NPM1: variants seen among roughly 807,000 people sequenced by gnomAD.
The protein encoded by NPM1 is nucleophosmin 1, also known as nucleophosmin.
NPM1 carries 1 observed loss-of-function variant against 44.1 expected under a neutral mutation model. That is an observed-to-expected ratio of 0.02 (90% CI 0.01 to 0.11). The LOEUF is 0.11. Ranked by LOEUF, NPM1 falls within the 10% of genes least tolerant of loss-of-function variation. NPM1 has a pLI of 1.00. For synonymous variants in NPM1, 126 were observed against 111.8 expected, an observed-to-expected ratio of 1.13 and a Z score of -0.80; for missense variants, 197 against 347.8, an observed-to-expected ratio of 0.57 and a Z score of 3.45.
chr5:171,409,314 C>A (rs989150195), intron 10 of NPM1, among the ~76,000 whole-genome samples: 1 of 152,148 alleles, frequency 6.6e-6, no homozygotes, highest in Non-Finnish European at 1.5e-5. Context: ...ATGATAAGAT[C>A]TCTGGCTGGG....
chr5:171,400,106 A>G (rs1439634913), intron 6 of NPM1, 47 bp from the exon 7 acceptor site: 2 of 1,054,074 alleles, frequency 1.9e-6, no homozygotes, highest in South Asian at 1.3e-5. Flanking sequence ...TCTTGTGTCT[A>G]CTCCCAAATT....
At chr5:171,391,454 T>C (rs1380300651) in intron 3 of NPM1, 30 bp downstream of exon 3, 2 of 1,603,374 alleles carry the variant, frequency 1.2e-6, no homozygotes, top group East Asian at 2.2e-5. Context: ...TTGGATGTTG[T>C]GTCAAGGTTT....
chr5:171,403,261 G>A (rs1235740811), intron 8 of NPM1, among the ~76,000 whole-genome samples: 6 of 88,474 alleles, frequency 6.8e-5, no homozygotes, highest in African/African-American at 1.7e-4. Context: ...ATCTTGCACC[G>A]CCCTTAATCC....
chr5:171,393,619 A>G (rs955359810), intron 6 of NPM1, among the ~76,000 whole-genome samples: 2 of 137,318 alleles, frequency 1.5e-5, no homozygotes, highest in Non-Finnish European at 1.7e-5. Context: ...CCAGTAATGC[A>G]TTGAATACTT....
At chr5:171,408,557 G>A (rs1771679444) in intron 10 of NPM1, among the ~76,000 whole-genome samples, 1 of 152,024 alleles carries the variant, frequency 6.6e-6, no homozygotes, top group Non-Finnish European at 1.5e-5. Context: ...TAGTTTTCGG[G>A]TTCGTAAAAC....
chr5:171,407,999 A>G (rs1771657419), intron 10 of NPM1, among the ~76,000 whole-genome samples: 1 of 152,124 alleles, frequency 6.6e-6, no homozygotes, highest in Non-Finnish European at 1.5e-5. Flanking sequence ...CAGATTTCCT[A>G]TAGTTGGTAA....
chr5:171,398,118 C>T (rs1364305920), intron 6 of NPM1, among the ~76,000 whole-genome samples: 4 of 151,744 alleles, frequency 2.6e-5, no homozygotes, highest in Non-Finnish European at 5.9e-5. Context: ...GCAAACAAGT[C>T]CCTTATCAGA....
At chr5:171,388,834 C>G (rs1339054386) in intron 1 of NPM1, among the ~76,000 whole-genome samples, 9 of 152,212 alleles carry the variant, frequency 5.9e-5, no homozygotes, top group African/African-American at 2.2e-4. Flanking sequence ...GATGAGGATA[C>G]TGGTGCCCAG....
intron 7 of NPM1, 172 bp from the exon 8 acceptor site, chr5:171,400,667 C>G: frequency 1.9e-6 from 1 of 521,706 alleles, no homozygotes; most frequent in Non-Finnish European, 3.5e-6. Context: ...AGGCTGGTCT[C>G]GAACTCCTGA....
rs77737224 is a variant in NPM1, at chr5:171,407,453, T to A, written c.772-247T>A. On this transcript the variant is annotated intron_variant, in intron 9 of 10. Transcript: ENST00000296930. Reference sequence around the variant, plus strand: ...CGAATCTCAAGTGTAGCTTATATTTTATGTTCCTAGAGAGGTTGTCAGGGA... The same window carrying A: ...CGAATCTCAAGTGTAGCTTATATTTAATGTTCCTAGAGAGGTTGTCAGGGA... 4.9e-3 allele frequency: 2,389 copies of A among 485,358 alleles called. 77 individuals are homozygous for A. The East Asian group carries it at 0.068, about 14-fold the overall frequency. The allele number at this position is 485,358 out of a possible 1,614,324, so 30.1% of individuals were successfully genotyped here.
intron 6 of NPM1, among the ~76,000 whole-genome samples, chr5:171,398,999 C>T (rs1159171774): frequency 6.6e-6 from 1 of 151,896 alleles, no homozygotes; most frequent in African/African-American, 2.4e-5. Context: ...TACAGGCGCC[C>T]GCCACCATGC....
chr5:171,391,871 C>T, intron 4 of NPM1, 72 bp downstream of exon 4: 1 of 862,688 alleles, frequency 1.2e-6, no homozygotes, highest in South Asian at 1.4e-5. Context: ...CCAGTTTGGA[C>T]TTAAAGCATG....
intron 8 of NPM1, among the ~76,000 whole-genome samples, chr5:171,403,822 G>GC (rs1304989751): frequency 1.6e-5 from 1 of 62,498 alleles, no homozygotes; most frequent in Non-Finnish European, 3.3e-5. Context: ...GGGCAGAGGC[G>GC]CCCCTCACCT....
At chr5:171,405,104 A>G (rs1363520681) in intron 8 of NPM1, among the ~76,000 whole-genome samples, 198 bp from the exon 9 acceptor site, 1 of 152,206 alleles carries the variant, frequency 6.6e-6, no homozygotes, top group Admixed American at 6.5e-5. Flanking sequence ...TGCCTAGCTA[A>G]TCATCTTATT....
intron 2 of NPM1, among the ~76,000 whole-genome samples, chr5:171,390,742 T>C (rs781213817): frequency 1.3e-5 from 2 of 151,690 alleles, no homozygotes; most frequent in Non-Finnish European, 2.9e-5. Flanking sequence ...TTTTTTTCTT[T>C]GGAGGCAGTC....
chr5:171,403,629 C>CG (rs1771362663), intron 8 of NPM1, among the ~76,000 whole-genome samples: 1 of 102,410 alleles, frequency 9.8e-6, no homozygotes, highest in Non-Finnish European at 2.2e-5. Context: ...GCTGGCCGGG[C>CG]AGGGGGGCTG....
chr5:171,392,122 T>C (rs1770607650), intron 4 of NPM1, among the ~76,000 whole-genome samples: 1 of 152,102 alleles, frequency 6.6e-6, no homozygotes, highest in South Asian at 2.1e-4. Context: ...ATAGTTATAG[T>C]AGAGAAGGGG....
rs369290137 is a variant in NPM1 at position 171,402,299 on chromosome 5, A to G, written c.669+1374A>G. Among the ~76,000 whole-genome samples the G allele has an allele frequency of 2.8e-4, 43 of 151,734 alleles. No individual in the cohort carries two copies. In the East Asian group the frequency reaches 7.0e-3, roughly 25 times the overall value. ...TAGAGAAATGCAAATCGAAACCACA[A>G]TGAGATACCATCTCACACCAGTCAG... On this transcript the variant is annotated intron_variant, in intron 8 of 10. Coordinates refer to ENST00000296930, the MANE Select transcript of NPM1 (RefSeq NM_002520.7).
intron 8 of NPM1, among the ~76,000 whole-genome samples, chr5:171,402,280 A>C (rs1371735244): frequency 6.6e-6 from 1 of 151,318 alleles, no homozygotes; most frequent in Non-Finnish European, 1.5e-5. Flanking sequence ...TGATTAGAGA[A>C]ATGCAAATCG....
Sources: allele counts gnomAD v4.1 joint callset (sites outside exome capture counted in the v4.1 genomes callset), GRCh38; gene constraint gnomAD v4.1.1; transcripts MANE v1.5; gene names NCBI Gene and HGNC (gene_info 2026-07-23, HGNC 2026-07-21).